Variants in NEDD4L observed in about 807,000 individuals in gnomAD.
NEDD4L encodes NEDD4 like E3 ubiquitin protein ligase, also known as E3 ubiquitin-protein ligase NEDD4-like.
In NEDD4L, 54 loss-of-function variants were observed where a neutral mutation model predicts 148.9. The observed-to-expected ratio is 0.36, with a 90% CI of 0.29 to 0.45. NEDD4L has a LOEUF of 0.45. Ranked by LOEUF, NEDD4L falls within the 20% of genes least tolerant of loss-of-function variation. The probability of loss-of-function intolerance (pLI) is 1.00; values close to 1 mark genes in which losing one functional copy is unlikely to be tolerated. For synonymous variants in NEDD4L, 433 were observed against 440.7 expected, an observed-to-expected ratio of 0.98 and a Z score of 0.22; for missense variants, 856 against 1,233.8, an observed-to-expected ratio of 0.69 and a Z score of 4.59.
chr18:58,342,034 G>T (rs778279566), intron 15 of NEDD4L, among the ~76,000 whole-genome samples: 57 of 152,198 alleles, frequency 3.7e-4, no homozygotes, highest in Admixed American at 2.8e-3. Context: ...GTGGTGACTT[G>T]TGCTGGACGT....
intron 4 of NEDD4L, among the ~76,000 whole-genome samples, chr18:58,251,295 G>A (rs186128720): frequency 2.6e-5 from 4 of 152,286 alleles, no homozygotes; most frequent in Non-Finnish European, 2.9e-5. Context: ...AGAGGCCAAG[G>A]CATGCAGATA....
intron 4 of NEDD4L, among the ~76,000 whole-genome samples, chr18:58,250,368 TCAC>T (rs2047766649): frequency 6.6e-6 from 1 of 152,202 alleles, no homozygotes; most frequent in Non-Finnish European, 1.5e-5. Flanking sequence ...CAGGCTGGTC[TCAC>T]TCTCCTGACC....
intron 1 of NEDD4L, among the ~76,000 whole-genome samples, chr18:58,122,863 G>C (rs902779575): frequency 9.9e-5 from 15 of 152,058 alleles, no homozygotes; most frequent in Non-Finnish European, 7.4e-5. Context: ...AGCCCCCTGA[G>C]TAGGGATTAC....
chr18:58,197,024 G>A (rs1568369036), intron 2 of NEDD4L, among the ~76,000 whole-genome samples: 1 of 152,070 alleles, frequency 6.6e-6, no homozygotes, highest in Admixed American at 6.6e-5. Context: ...CGTGGCGGTC[G>A]GTAATGTGTG....
intron 22 of NEDD4L, 124 bp from the exon 23 acceptor site, chr18:58,370,273 G>T: frequency 3.0e-6 from 2 of 675,548 alleles, no homozygotes; most frequent in Non-Finnish European, 5.4e-6. Flanking sequence ...TACTGTAGAA[G>T]GCCCTTGGTT....
intron 2 of NEDD4L, among the ~76,000 whole-genome samples, chr18:58,234,078 TTTC>T (rs1386630179): frequency 6.4e-5 from 6 of 93,070 alleles, no homozygotes; most frequent in African/African-American, 2.4e-4. Context: ...TCTTTCTTTC[TTTC>T]TTTCTTTCTT....
chr18:58,376,677 T>C (rs1459028124), intron 24 of NEDD4L, among the ~76,000 whole-genome samples: 2 of 152,228 alleles, frequency 1.3e-5, no homozygotes, highest in African/African-American at 2.4e-5. Flanking sequence ...TGGCTTCTTA[T>C]AATGGCAGAG....
intron 1 of NEDD4L, among the ~76,000 whole-genome samples, chr18:58,137,891 A>G (rs949561900): frequency 1.3e-5 from 2 of 151,946 alleles, no homozygotes; most frequent in African/African-American, 2.4e-5. Context: ...CTTGTATTTT[A>G]TTTGTAAAGA....
intron 1 of NEDD4L, among the ~76,000 whole-genome samples, chr18:58,110,366 G>A (rs759818984): frequency 4.6e-5 from 7 of 152,228 alleles, no homozygotes; most frequent in South Asian, 4.1e-4. Flanking sequence ...ATTAAGATCC[G>A]TTCACACAGG....
intron 5 of NEDD4L, among the ~76,000 whole-genome samples, chr18:58,261,499 TTTCATA>T (rs1379382730): frequency 1.3e-4 from 20 of 152,198 alleles, no homozygotes; most frequent in Non-Finnish European, 2.9e-4. Context: ...TTTAGAGAGT[TTTCATA>T]AATGGTGCAG....
At chr18:58,102,204 C>T (rs1599283061) in intron 1 of NEDD4L, among the ~76,000 whole-genome samples, 1 of 151,952 alleles carries the variant, frequency 6.6e-6, no homozygotes, top group East Asian at 1.9e-4. Flanking sequence ...AATACATTTC[C>T]ATTGTGTGAG....
intron 2 of NEDD4L, 98 bp downstream of exon 2, chr18:58,165,959 A>C (rs2036798636): frequency 2.0e-6 from 2 of 992,172 alleles, no homozygotes. Context: ...GGACTTCTTA[A>C]GACAAAGCTG....
At chr18:58,334,639 A>T (rs575313800) in intron 12 of NEDD4L, among the ~76,000 whole-genome samples, 173 of 152,280 alleles carry the variant, frequency 1.1e-3, no homozygotes, top group Non-Finnish European at 2.1e-3. Flanking sequence ...TTGCTACAAA[A>T]CCTTGATCAT....
At chr18:58,099,488 C>T (rs1276736845) in intron 1 of NEDD4L, among the ~76,000 whole-genome samples, 3 of 152,184 alleles carry the variant, frequency 2.0e-5, no homozygotes, top group African/African-American at 7.2e-5. Context: ...ACATGACCCA[C>T]ATTTGTCGAA....
chr18:58,368,084 T>C (rs2046350364), intron 22 of NEDD4L, among the ~76,000 whole-genome samples: 1 of 152,236 alleles, frequency 6.6e-6, no homozygotes, highest in African/African-American at 2.4e-5. Flanking sequence ...AGTTTTTTTT[T>C]AACTTCAGTG....
At chr18:58,268,355 CTCAG>C (rs1305346985) in intron 5 of NEDD4L, among the ~76,000 whole-genome samples, 2 of 152,008 alleles carry the variant, frequency 1.3e-5, no homozygotes, top group African/African-American at 4.8e-5. Flanking sequence ...ATGTCAGACT[CTCAG>C]TCAATCTTCC....
chr18:58,241,383 C>A (rs556827118), intron 2 of NEDD4L, among the ~76,000 whole-genome samples: 1 of 152,306 alleles, frequency 6.6e-6, no homozygotes, highest in South Asian at 2.1e-4. Flanking sequence ...CTGACTGCAG[C>A]CATGCCAGAC....
At chr18:58,190,403 A>T (rs1187155878) in intron 2 of NEDD4L, among the ~76,000 whole-genome samples, 1 of 152,212 alleles carries the variant, frequency 6.6e-6, no homozygotes. Context: ...ATTAGAAATG[A>T]TGTTACAGAT....
At chr18:58,363,153 G>A (rs2045694674) in intron 19 of NEDD4L, among the ~76,000 whole-genome samples, 1 of 151,644 alleles carries the variant, frequency 6.6e-6, no homozygotes, top group Non-Finnish European at 1.5e-5. Flanking sequence ...TTTTCTGGAA[G>A]AGTGGTTGTT....
Sources: allele counts gnomAD v4.1 joint callset (sites outside exome capture counted in the v4.1 genomes callset), GRCh38; gene constraint gnomAD v4.1.1; transcripts MANE v1.5; gene names NCBI Gene and HGNC (gene_info 2026-07-23, HGNC 2026-07-21).